STRADB: variants seen among roughly 807,000 people sequenced by gnomAD.
The protein encoded by STRADB is STE20-related kinase adapter protein beta.
Under a neutral mutation model 52.1 loss-of-function variants are expected in STRADB, and 34 were observed. That is an observed-to-expected ratio of 0.65 (90% CI 0.50 to 0.87). The LOEUF (loss-of-function observed/expected upper bound fraction) is 0.87. Among genes scored for constraint, STRADB ranks in the 40% least tolerant of loss-of-function variants. The pLI, the probability that STRADB is intolerant of heterozygous loss-of-function variation, is 0.00. For synonymous variants in STRADB, 133 were observed against 174.5 expected (o/e 0.76, Z 1.87); for missense variants, 340 against 483.9 (o/e 0.70, Z 2.79).
chr2:201,459,798 A>G (rs1952185409), intron 3 of STRADB, among the ~76,000 whole-genome samples: 1 of 152,194 alleles, frequency 6.6e-6, no homozygotes. Context: ...TTAGCATAAT[A>G]TGAGGGCTCT....
intron 4 of STRADB, among the ~76,000 whole-genome samples, chr2:201,471,294 G>A (rs564479234): frequency 6.6e-6 from 1 of 152,310 alleles, no homozygotes; most frequent in Admixed American, 6.5e-5. Context: ...AACAAGGGGA[G>A]AGTAGGCAGT....
intron 2 of STRADB, among the ~76,000 whole-genome samples, chr2:201,455,476 G>T (rs1428625673): frequency 6.6e-6 from 1 of 151,836 alleles, no homozygotes; most frequent in African/African-American, 2.4e-5. Flanking sequence ...CATTTTTAGG[G>T]GCCAAGGCTA....
At chr2:201,457,933 A>C (rs1003570062) in intron 2 of STRADB, among the ~76,000 whole-genome samples, 11 of 152,088 alleles carry the variant, frequency 7.2e-5, no homozygotes, top group Non-Finnish European at 1.5e-4. Context: ...TTGAGGCAGG[A>C]GAATTGCTTG....
At chr2:201,465,488 T>C (rs1188858359) in intron 3 of STRADB, among the ~76,000 whole-genome samples, 1 of 152,236 alleles carries the variant, frequency 6.6e-6, no homozygotes, top group Non-Finnish European at 1.5e-5. Flanking sequence ...CAAAGTCCTC[T>C]TTATTCTTTC....
intron 2 of STRADB, among the ~76,000 whole-genome samples, chr2:201,458,233 T>C (rs1009276): frequency 0.065 from 9,966 of 152,248 alleles, 408 homozygotes; most frequent in African/African-American, 0.11. Context: ...TGGGTTAATA[T>C]GCAGAAAAAT....
chr2:201,472,482 G>A (rs570747243), intron 4 of STRADB, among the ~76,000 whole-genome samples: 9 of 152,236 alleles, frequency 5.9e-5, no homozygotes, highest in Admixed American at 6.5e-5. Context: ...CATATGCCAA[G>A]TGAAAGAAGC....
chr2:201,459,280 G>A (rs755605374), intron 3 of STRADB, among the ~76,000 whole-genome samples: 6 of 152,118 alleles, frequency 3.9e-5, no homozygotes, highest in Non-Finnish European at 7.4e-5. Flanking sequence ...GCATCAAGCA[G>A]AACTGATGCT....
intron 3 of STRADB, among the ~76,000 whole-genome samples, chr2:201,462,868 A>C (rs374376781): frequency 1.3e-5 from 2 of 152,204 alleles, no homozygotes; most frequent in South Asian, 2.1e-4. Context: ...ATTACCAGTG[A>C]GTTTTGTACC....
intron 3 of STRADB, among the ~76,000 whole-genome samples, chr2:201,464,789 TG>T (rs1328060877): frequency 6.6e-6 from 1 of 152,226 alleles, no homozygotes. Flanking sequence ...GCAGCTGAGC[TG>T]GCACCCAAAC....
chr2:201,470,990 C>T (rs1952380536), intron 4 of STRADB, among the ~76,000 whole-genome samples: 1 of 152,162 alleles, frequency 6.6e-6, no homozygotes, highest in Non-Finnish European at 1.5e-5. Context: ...GAATGTACTG[C>T]CCGCCACCAG....
chr2:201,457,946 C>A (rs1324007392), intron 2 of STRADB, among the ~76,000 whole-genome samples: 1 of 152,082 alleles, frequency 6.6e-6, no homozygotes, highest in Non-Finnish European at 1.5e-5. Context: ...ATTGCTTGAA[C>A]CCAGGAGGCA....
Position 201,480,354 on chromosome 2 carries a change from C to T in STRADB, c.*179C>T. 1.4e-6 allele frequency: 2 copies of T among 1,437,478 alleles called. No homozygotes were observed. The highest frequency in any genetic ancestry group is 1.8e-6 in the Non-Finnish European group (2 of 1,099,532). 89.0% of individuals were successfully genotyped at this position (1,437,478 alleles called of 1,614,324 possible). On this transcript the variant is annotated 3_prime_UTR_variant, in exon 12 of 12. Transcript: ENST00000194530. ...ACCAGTTTGTAGTCCCTCTGTTTCG[C>T]ACAGAGTACTATGACAAGGAAACAT... is the stretch of plus-strand genomic sequence containing the variant.
rs780727959 is a variant in STRADB at position 201,475,644 on chromosome 2, C to T, written c.450C>T (p.Thr150=). Residue 150 remains threonine, a synonymous_variant, in exon 7 of 12, where the codon ACC becomes ACT. Coordinates refer to ENST00000194530, the MANE Select transcript of STRADB (RefSeq NM_018571.6). ...GTTCAGCAAGTCAACTCTTGAGGAC[C>T]TATTTTCCTGAAGGAATGAGTGAAA... The part of the protein sequence containing the change: ...AYGSASQLLR[T]YFPEGMSETL... 3.7e-6 allele frequency: 6 copies of T among 1,611,780 alleles called. No homozygotes were observed. In the East Asian group the frequency reaches 1.3e-4, roughly 36 times the overall value.
At chr2:201,469,650 A>C (rs1952358941) in intron 3 of STRADB, among the ~76,000 whole-genome samples, 1 of 152,220 alleles carries the variant, frequency 6.6e-6, no homozygotes. Flanking sequence ...TTTGTCAGCT[A>C]TCCTGAAGAA....
intron 3 of STRADB, among the ~76,000 whole-genome samples, chr2:201,466,931 C>T (rs1245328456): frequency 6.6e-6 from 1 of 152,164 alleles, no homozygotes; most frequent in Non-Finnish European, 1.5e-5. Context: ...AGGTATGTTT[C>T]ACCACAAGTA....
chr2:201,457,530 A>G (rs1952145599), intron 2 of STRADB: 1 of 152,212 alleles, frequency 6.6e-6, no homozygotes, highest in African/African-American at 2.4e-5. Context: ...GTAGGAATTC[A>G]AGTTAAAATA....
At position 201,477,742 on chromosome 2, in the gene STRADB, G is replaced by T; in HGVS notation, c.672G>T (p.Gln224His). Reference sequence around the variant, plus strand: ...ATAGGGCTGTGTATGATTTCCCACAGTTCAGCACATCAGTGCAGCCGTGGC... The same window carrying T: ...ATAGGGCTGTGTATGATTTCCCACATTTCAGCACATCAGTGCAGCCGTGGC... ...QRHRAVYDFP[Q>H]FSTSVQPWLS... Residue 224 changes from glutamine to histidine, a missense_variant, in exon 8 of 12, where the codon CAG (glutamine) becomes CAT (histidine). Transcript: ENST00000194530. 4 of 1,613,642 alleles carry T rather than the reference G, an allele frequency of 2.5e-6. No homozygotes were observed. The highest frequency in any genetic ancestry group is 2.2e-5 in the East Asian group (1 of 44,858).
intron 3 of STRADB, among the ~76,000 whole-genome samples, chr2:201,460,425 A>G (rs767361577): frequency 6.6e-6 from 1 of 152,184 alleles, no homozygotes; most frequent in Non-Finnish European, 1.5e-5. Context: ...AAAATGTATA[A>G]TAAGTTATTG....
intron 2 of STRADB, among the ~76,000 whole-genome samples, chr2:201,457,052 A>T (rs972444211): frequency 1.3e-5 from 2 of 152,192 alleles, no homozygotes; most frequent in African/African-American, 4.8e-5. Context: ...GTTCAGCATA[A>T]ACTGTATTAT....
Sources: gnomAD v4.1 joint callset for allele counts (sites outside exome capture counted in the v4.1 genomes callset) on GRCh38, gnomAD v4.1.1 for gene constraint, MANE v1.5 for transcripts, NCBI Gene and HGNC (gene_info 2026-07-23, HGNC 2026-07-21) for gene names.